The following CHIC2 variants were observed in gnomAD, a reference collection of about 807,000 sequenced individuals.
CHIC2 encodes cysteine-rich hydrophobic domain-containing protein 2.
Under a neutral mutation model 25.9 loss-of-function variants are expected in CHIC2, and 14 were observed. The observed-to-expected ratio is 0.54, with a 90% CI of 0.36 to 0.85. The LOEUF (loss-of-function observed/expected upper bound fraction) is 0.85. Ranked by LOEUF, CHIC2 falls within the 40% of genes least tolerant of loss-of-function variation. The pLI is 0.01. For synonymous variants in CHIC2, 70 were observed against 72.0 expected, an observed-to-expected ratio of 0.97 and a Z score of 0.14; for missense variants, 146 against 202.0, an observed-to-expected ratio of 0.72 and a Z score of 1.68.
intron 3 of CHIC2, among the ~76,000 whole-genome samples, chr4:54,033,802 T>C (rs961214543): frequency 6.6e-6 from 1 of 152,194 alleles, no homozygotes; most frequent in Non-Finnish European, 1.5e-5. Context: ...TTTCCACCTT[T>C]GGTGGAAATC....
chr4:54,036,403 T>G (rs13133387), intron 3 of CHIC2, among the ~76,000 whole-genome samples: 40,997 of 151,874 alleles, frequency 0.27, 6,341 homozygotes, highest in Middle Eastern at 0.4. Context: ...TTCTGGGGAG[T>G]ACTCAGGGAG....
In CHIC2 at chr4:54,064,200, C is replaced by G. The variant is rs201359795; in HGVS notation, c.101G>C (p.Gly34Ala). 52 of 1,604,602 alleles carry G rather than the reference C, an allele frequency of 3.2e-5. No individual in the cohort carries two copies. The East Asian group carries it at 9.0e-4, about 28-fold the overall frequency. ...KYSPDPVVVR[G>A]SGHVTVFGLS... ...GCCTTACACGGTGACGTGACCGGAG[C>G]CGCGGACGACCACCGGGTCCGGCGA... The change falls in exon 1 of 6, where the codon GGC becomes GCC. Residue 34 changes from glycine to alanine, a missense_variant. Coordinates refer to ENST00000263921, the MANE Select transcript of CHIC2 (RefSeq NM_012110.4). The surrounding 1 kb of genome is among the most constrained non-coding windows in gnomAD (Gnocchi z 4.2).
the CHIC2 span, among the ~76,000 whole-genome samples, chr4:54,077,675 A>G: frequency 6.6e-6 from 1 of 152,190 alleles, no homozygotes. Context: ...ATGTACTTGC[A>G]AGGCTGTTGA....
intron 3 of CHIC2, among the ~76,000 whole-genome samples, chr4:54,015,388 C>T (rs1715708875): frequency 6.6e-6 from 1 of 152,024 alleles, no homozygotes; most frequent in African/African-American, 2.4e-5. Flanking sequence ...ATCAGCAGAC[C>T]TCACTTGTTT....
intron 4 of CHIC2, 32 bp downstream of exon 4, chr4:54,014,031 A>G: frequency 6.2e-7 from 1 of 1,610,010 alleles, no homozygotes; most frequent in Non-Finnish European, 8.5e-7. Context: ...TTCAGACCCC[A>G]ACAGTACGAA....
At position 54,064,157 on chromosome 4, in the gene CHIC2, G is replaced by C; in HGVS notation, c.119+25C>G. The C allele has an allele frequency of 1.3e-6, 2 of 1,580,848 alleles. No individual in the cohort carries two copies. Among genetic ancestry groups the C allele is most frequent in the Non-Finnish European group, 1.7e-6 (2 of 1,161,482 alleles). Reference sequence around the variant, plus strand: ...GGGCCCACCCCAGCCCGCACCTCCCGCCCTCGCCCTCCTCCGGGCCTTACA... The same window carrying C: ...GGGCCCACCCCAGCCCGCACCTCCCCCCCTCGCCCTCCTCCGGGCCTTACA... On this transcript the variant is annotated intron_variant, in intron 1 of 5. Transcript: ENST00000263921. This position sits in a 1 kb window ranked among gnomAD's most constrained non-coding sequence, Gnocchi z 4.2.
intron 3 of CHIC2, among the ~76,000 whole-genome samples, chr4:54,029,136 AAAAAC>A (rs1388841832): frequency 2.6e-5 from 4 of 152,144 alleles, no homozygotes; most frequent in African/African-American, 9.7e-5. Flanking sequence ...AAAAAAAAAA[AAAAAC>A]AAAAGTCAAA....
At chr4:54,049,206 C>T in intron 2 of CHIC2, 45 bp downstream of exon 2, 1 of 1,569,546 alleles carries the variant, frequency 6.4e-7, no homozygotes, top group Non-Finnish European at 8.7e-7. Flanking sequence ...CAGAAAAAAA[C>T]TTTCATTTTG....
chr4:54,072,198 G>A, the CHIC2 span, among the ~76,000 whole-genome samples: 4 of 151,970 alleles, frequency 2.6e-5, no homozygotes, highest in African/African-American at 9.7e-5. Flanking sequence ...AGCTATTCGG[G>A]AGGCTGAGGC....
intron 3 of CHIC2, among the ~76,000 whole-genome samples, chr4:54,042,026 GAAAA>G (rs979036450): frequency 3.4e-5 from 5 of 147,940 alleles, no homozygotes. Flanking sequence ...AAAAAAAAAG[GAAAA>G]AAAAATCCAA....
chr4:54,062,376 C>T (rs1302416023), intron 1 of CHIC2, among the ~76,000 whole-genome samples: 1 of 150,580 alleles, frequency 6.6e-6, no homozygotes, highest in Admixed American at 6.6e-5. Context: ...ACTGTCCACT[C>T]CTAGGACCCT....
chr4:54,073,678 G>C, the CHIC2 span, among the ~76,000 whole-genome samples: 2 of 152,174 alleles, frequency 1.3e-5, no homozygotes, highest in Non-Finnish European at 2.9e-5. Context: ...GAAACTGTCA[G>C]AAATGACAAA....
Position 54,035,503 on chromosome 4 carries a change from T to C in CHIC2, c.330+13452A>G, listed in dbSNP as rs142032053. Among the ~76,000 whole-genome samples, 453 of 152,334 alleles carry C rather than the reference T, an allele frequency of 3.0e-3. 3 individuals are homozygous for C. Among genetic ancestry groups the C allele is most frequent in the African/African-American group, 0.01 (428 of 41,590 alleles). ...CAAGGAATTTGTCCACTTTAAGGTG[T>C]TGAATTACAGGCATACAGTTTATAG... is the stretch of plus-strand genomic sequence containing the variant. On this transcript the variant is annotated intron_variant, in intron 3 of 5. Transcript: ENST00000263921.
the CHIC2 span, among the ~76,000 whole-genome samples, chr4:54,083,071 G>A: frequency 8.0e-6 from 1 of 124,830 alleles, no homozygotes. Context: ...TATTGCCCAG[G>A]CTGGAGTGAT....
At chr4:54,054,836 G>C (rs915054711) in intron 1 of CHIC2, among the ~76,000 whole-genome samples, 2 of 152,164 alleles carry the variant, frequency 1.3e-5, no homozygotes, top group African/African-American at 4.8e-5. Context: ...GACAGAGAGA[G>C]GGCTTAAATT....
chr4:54,039,696 G>A (rs529389132), intron 3 of CHIC2, among the ~76,000 whole-genome samples: 2 of 152,080 alleles, frequency 1.3e-5, no homozygotes, highest in African/African-American at 2.4e-5. Flanking sequence ...CATATAACCC[G>A]GCAATCCCCT....
chr4:54,044,031 C>G (rs1716683774), intron 3 of CHIC2, among the ~76,000 whole-genome samples: 1 of 152,034 alleles, frequency 6.6e-6, no homozygotes, highest in African/African-American at 2.4e-5. Context: ...AGACTTTAAA[C>G]CAACAAAGAT....
the CHIC2 span, chr4:54,086,965 C>T: frequency 9.4e-5 from 70 of 746,562 alleles, no homozygotes; most frequent in African/African-American, 1.2e-3. Context: ...TCATGGACAA[C>T]AATCTGCAGA....
intron 3 of CHIC2, among the ~76,000 whole-genome samples, chr4:54,019,851 A>G (rs748912033): frequency 8.5e-5 from 13 of 152,152 alleles, no homozygotes; most frequent in Non-Finnish European, 1.9e-4. Flanking sequence ...GGGTGCAGGA[A>G]GGGTCTCCTT....
Sources: allele counts gnomAD v4.1 joint callset (sites outside exome capture counted in the v4.1 genomes callset), GRCh38; gene constraint gnomAD v4.1.1; non-coding constraint Gnocchi (gnomAD v3.1); transcripts MANE v1.5; gene names NCBI Gene and HGNC (gene_info 2026-07-23, HGNC 2026-07-21).